PCDHA3: variants seen among roughly 807,000 people sequenced by gnomAD.
PCDHA3 encodes protocadherin alpha 3.
Under a neutral mutation model 62.2 loss-of-function variants are expected in PCDHA3, and 41 were observed. That is an observed-to-expected ratio of 0.66 (90% confidence interval 0.51 to 0.86). The LOEUF is 0.86. PCDHA3 is among the 40% of genes least tolerant of loss of function. The probability of loss-of-function intolerance (pLI) is 0.00; values close to 1 mark genes in which losing one functional copy is unlikely to be tolerated. For missense variants in PCDHA3, 1,304 were observed against 1,241.2 expected, an observed-to-expected ratio of 1.05 and a Z score of -0.76; for synonymous variants, 640 against 555.4, an observed-to-expected ratio of 1.15 and a Z score of -2.14.
chr5:140,982,795 ATG>A (rs60616196), intron 3 of PCDHA3, among the ~76,000 whole-genome samples: 18 of 151,504 alleles, frequency 1.2e-4, no homozygotes, highest in African/African-American at 3.2e-4. Flanking sequence ...GCATGTGTGC[ATG>A]TGTGTGTGTG....
chr5:140,924,895 AAAAAAAAAAATAAAATAAAAT>A (rs1361418672), intron 1 of PCDHA3, among the ~76,000 whole-genome samples: 1,915 of 132,218 alleles, frequency 0.014, 23 homozygotes, highest in Admixed American at 0.024. Context: ...AACCTGTCTC[AAAAAAAAAAATAAAATAAAAT>A]AAAATAAAAT....
intron 1 of PCDHA3, chr5:140,869,092 A>G (rs782192400): frequency 1.7e-5 from 27 of 1,591,278 alleles, no homozygotes; most frequent in Non-Finnish European, 2.1e-5. Flanking sequence ...TTGGAAGCCA[A>G]TTTCGTATGC....
chr5:140,848,221 A>T, intron 1 of PCDHA3: 1 of 378,712 alleles, frequency 2.6e-6, no homozygotes, highest in Non-Finnish European at 4.7e-6. Context: ...AGAAAAAATT[A>T]AGAAAATGAA....
intron 1 of PCDHA3, among the ~76,000 whole-genome samples, chr5:140,902,728 C>T (rs1280424808): frequency 6.6e-6 from 1 of 151,858 alleles, no homozygotes; most frequent in Non-Finnish European, 1.5e-5. Flanking sequence ...ACCCTTCCCT[C>T]CAAGTCCCCC....
rs868916626 is a variant in PCDHA3, at chr5:140,946,629, T to C, written c.2395-32320T>C. 3.4e-3 allele frequency among the ~76,000 whole-genome samples: 415 copies of C among 123,330 alleles called. 16 individuals carry two copies. The highest frequency in any genetic ancestry group is 0.017 in the Middle Eastern group (4 of 240). The allele number at this position is 123,330 out of a possible 152,430, so 80.9% of individuals were successfully genotyped here. On this transcript the variant is annotated intron_variant, in intron 1 of 3. Coordinates refer to ENST00000522353, the MANE Select transcript of PCDHA3 (RefSeq NM_018906.3). ...AATGTGAAATATATATATATATATATATACAATGGAATACTCATCAGCCAT... is the reference window on the plus strand; with the variant it reads ...AATGTGAAATATATATATATATATACATACAATGGAATACTCATCAGCCAT...
At chr5:140,857,932 C>A (rs1393571264) in intron 1 of PCDHA3, 1 of 1,597,630 alleles carries the variant, frequency 6.3e-7, no homozygotes, top group African/African-American at 1.3e-5. Flanking sequence ...TGTACACGGG[C>A]GAGATCAGTA....
At chr5:140,875,577 C>G in intron 1 of PCDHA3, 1 of 1,614,082 alleles carries the variant, frequency 6.2e-7, no homozygotes, top group Non-Finnish European at 8.5e-7. Context: ...ACTACTCCGT[C>G]TACGAGGAGG....
At chr5:140,845,517 A>G (rs1554140912) in intron 1 of PCDHA3, among the ~76,000 whole-genome samples, 1 of 149,602 alleles carries the variant, frequency 6.7e-6, no homozygotes, top group Non-Finnish European at 1.5e-5. Context: ...TTTCTTGTAC[A>G]TTAATACTTT....
chr5:140,914,302 A>G (rs1168032612), intron 1 of PCDHA3, among the ~76,000 whole-genome samples: 4 of 152,144 alleles, frequency 2.6e-5, no homozygotes, highest in African/African-American at 9.7e-5. Context: ...CTCTTGCTGA[A>G]TTGACCCCAT....
At chr5:140,828,782 A>T (rs2150158879) in intron 1 of PCDHA3, 14 of 1,614,250 alleles carry the variant, frequency 8.7e-6, no homozygotes, top group Non-Finnish European at 7.6e-6. Flanking sequence ...GCTGCTGGTC[A>T]CAGTGCTGGA....
rs1554122540 is a variant in PCDHA3 at position 140,803,039 on chromosome 5, G to A, written c.1842G>A (p.Gly614=). The A allele has an allele frequency of 6.2e-7, 1 of 1,614,024 alleles. No individual in the cohort carries two copies. The highest frequency in any genetic ancestry group is 8.5e-7 in the Non-Finnish European group (1 of 1,179,942). The change falls in exon 1 of 4, where the codon GGG becomes GGA. Residue 614 remains glycine (G), a synonymous_variant. Transcript: ENST00000522353. ...GGCTTTCGTATGAGCTGCAGCCTGG[G>A]ACCGGCGGTGCGCGCATCCCGTTTC... ...NAWLSYELQP[G]TGGARIPFRV... is the part of the protein sequence containing the mutation.
intron 1 of PCDHA3, among the ~76,000 whole-genome samples, chr5:140,881,010 T>C (rs782629592): frequency 5.3e-5 from 8 of 152,198 alleles, no homozygotes; most frequent in South Asian, 4.1e-4. Flanking sequence ...AGCAGAGCTA[T>C]GGAAATAAAC....
intron 1 of PCDHA3, chr5:140,871,313 C>A (rs371295919): frequency 1.4e-5 from 23 of 1,613,924 alleles, no homozygotes; most frequent in African/African-American, 9.3e-5. Context: ...GGGAAGCCCA[C>A]GCTGGTGTGC....
intron 1 of PCDHA3, among the ~76,000 whole-genome samples, chr5:140,827,576 C>T (rs2150148226): frequency 6.6e-6 from 1 of 152,140 alleles, no homozygotes; most frequent in African/African-American, 2.4e-5. Flanking sequence ...TATATAATAG[C>T]ATGTCCTAGG....
intron 3 of PCDHA3, among the ~76,000 whole-genome samples, chr5:141,007,801 G>T (rs559830556): frequency 2.6e-5 from 4 of 152,148 alleles, no homozygotes; most frequent in Non-Finnish European, 5.9e-5. Flanking sequence ...GCCTTTATCT[G>T]CCATTCATTT....
Position 141,009,628 on chromosome 5 carries a change from A to G in PCDHA3, c.2544A>G (p.Glu848=), listed in dbSNP as rs1441195912. The G allele has an allele frequency of 1.2e-6, 2 of 1,613,000 alleles. No individual in the cohort carries two copies. The highest frequency in any genetic ancestry group is 2.2e-5 in the East Asian group (1 of 44,852). Residue 848 remains glutamate, a splice_region_variant and synonymous_variant, in exon 4 of 4, where the codon GAA becomes GAG. Coordinates refer to ENST00000522353, the MANE Select transcript of PCDHA3 (RefSeq NM_018906.3). ...GATTTGTAATGTTTTGTCTTTCAGA[A>G]CCAGAGGCAGGAGAAGTGTCCCCTC... is the stretch of plus-strand genomic sequence containing the variant. ...QWPTVSSATP[E]PEAGEVSPPV...
intron 1 of PCDHA3, among the ~76,000 whole-genome samples, chr5:140,820,465 G>C (rs1766763735): frequency 6.6e-6 from 1 of 151,906 alleles, no homozygotes; most frequent in African/African-American, 2.4e-5. Context: ...GTCTTCACAG[G>C]TAAGGGATAT....
intron 1 of PCDHA3, chr5:140,876,199 G>C: frequency 6.2e-7 from 1 of 1,613,940 alleles, no homozygotes; most frequent in South Asian, 1.1e-5. Flanking sequence ...TCCGGCGTTT[G>C]ATAAGCCCAG....
At chr5:140,896,572 T>C (rs1208639295) in intron 1 of PCDHA3, among the ~76,000 whole-genome samples, 5 of 152,002 alleles carry the variant, frequency 3.3e-5, no homozygotes, top group Admixed American at 3.3e-4. Context: ...AGATGGGGTT[T>C]TGACGTGTTG....
Sources: gnomAD v4.1 joint callset for allele counts (sites outside exome capture counted in the v4.1 genomes callset) on GRCh38, gnomAD v4.1.1 for gene constraint, MANE v1.5 for transcripts, NCBI Gene and HGNC (gene_info 2026-07-23, HGNC 2026-07-21) for gene names.